BMPR1B: variants seen among roughly 807,000 people sequenced by gnomAD.
The protein encoded by BMPR1B is bone morphogenetic protein receptor type-1B.
In BMPR1B, 12 loss-of-function variants were observed where a neutral mutation model predicts 59.1. That is an observed-to-expected ratio of 0.20 (90% CI 0.13 to 0.33). The LOEUF (loss-of-function observed/expected upper bound fraction) is 0.33, where lower values mean the gene tolerates loss of function less well. BMPR1B is among the 10% of genes least tolerant of loss of function. The probability of loss-of-function intolerance (pLI) is 1.00; values close to 1 mark genes in which losing one functional copy is unlikely to be tolerated. For synonymous variants in BMPR1B, 237 were observed against 207.3 expected (o/e 1.14, Z -1.23); for missense variants, 550 against 610.9 (o/e 0.90, Z 1.05).
intron 1 of BMPR1B, among the ~76,000 whole-genome samples, chr4:94,833,049 T>C (rs1167593239): frequency 2.0e-5 from 3 of 151,752 alleles, no homozygotes; most frequent in Admixed American, 2.0e-4. Flanking sequence ...AAATTAGCCA[T>C]GCCTGGTGGC....
intron 3 of BMPR1B, among the ~76,000 whole-genome samples, chr4:95,055,191 TC>T (rs1429113534): frequency 6.6e-6 from 1 of 152,154 alleles, no homozygotes; most frequent in African/African-American, 2.4e-5. Context: ...GTACCACCTC[TC>T]CGTTGCCAGG....
At chr4:94,912,682 C>T (rs1439602299) in intron 2 of BMPR1B, among the ~76,000 whole-genome samples, 3 of 152,066 alleles carry the variant, frequency 2.0e-5, no homozygotes, top group African/African-American at 7.2e-5. Flanking sequence ...GCCTCTGTAG[C>T]CAAGGCTTTT....
Position 95,042,477 on chromosome 4 carries a change from A to C in BMPR1B, c.-18+46343A>C, listed in dbSNP as rs931709940. On this transcript the variant is annotated intron_variant, in intron 3 of 12. Transcript: ENST00000515059. Reference sequence around the variant, plus strand: ...CCTTCAGACTATGTCTATAAGGTGCATGTGAAACATAAATGAATTTCATGT... The same window carrying C: ...CCTTCAGACTATGTCTATAAGGTGCCTGTGAAACATAAATGAATTTCATGT... 8.5e-5 allele frequency among the ~76,000 whole-genome samples: 13 copies of C among 152,234 alleles called. No homozygotes were observed. The East Asian group carries it at 2.5e-3, about 29-fold the overall frequency.
chr4:94,902,073 GTGTGTGT>G (rs1727834474), intron 2 of BMPR1B, among the ~76,000 whole-genome samples: 1 of 148,848 alleles, frequency 6.7e-6, no homozygotes, highest in Non-Finnish European at 1.5e-5. Context: ...GTGTGTGTGT[GTGTGTGT>G]GTGTGTGGGG....
chr4:94,996,974 CAG>C (rs756873420), intron 3 of BMPR1B, among the ~76,000 whole-genome samples: 6 of 152,126 alleles, frequency 3.9e-5, no homozygotes, highest in Non-Finnish European at 7.4e-5. Flanking sequence ...CTGAAGGAGA[CAG>C]AAAGAATTGT....
intron 3 of BMPR1B, among the ~76,000 whole-genome samples, chr4:95,061,733 T>A (rs1727413088): frequency 6.6e-6 from 1 of 152,212 alleles, no homozygotes; most frequent in Admixed American, 6.5e-5. Context: ...ACTTTAGATT[T>A]GGCCTTAGGA....
chr4:94,947,526 G>A (rs1383833530), intron 2 of BMPR1B, among the ~76,000 whole-genome samples: 1 of 152,196 alleles, frequency 6.6e-6, no homozygotes, highest in African/African-American at 2.4e-5. Flanking sequence ...GTTTGCTTTA[G>A]ATAGTAAGAT....
At chr4:95,112,448 A>C (rs1731696775) in intron 4 of BMPR1B, among the ~76,000 whole-genome samples, 1 of 152,108 alleles carries the variant, frequency 6.6e-6, no homozygotes, top group South Asian at 2.1e-4. Flanking sequence ...TACTTGCTTT[A>C]GGGTTGCAAG....
intron 2 of BMPR1B, among the ~76,000 whole-genome samples, chr4:94,917,111 TTC>T (rs1728514363): frequency 2.0e-5 from 3 of 152,192 alleles, no homozygotes; most frequent in African/African-American, 7.2e-5. Context: ...CTGCCTATAT[TTC>T]AGAGGATATA....
At position 95,129,450 on chromosome 4, in the gene BMPR1B, A is replaced by C. The variant is rs1024061472; in HGVS notation, c.586-412A>C. ...ATTTCCTTTATTTCTGTATGTGCCT[A>C]ACAATGCATTACAATTTTGTTTTGT... On this transcript the variant is annotated intron_variant, in intron 8 of 12. Coordinates refer to ENST00000515059, the MANE Select transcript of BMPR1B (RefSeq NM_001203.3). Among the ~76,000 whole-genome samples, 6 of 151,904 alleles carry C rather than the reference A, an allele frequency of 3.9e-5. No homozygotes were observed. The Middle Eastern group carries it at 0.01, about 258-fold the overall frequency.
intron 1 of BMPR1B, among the ~76,000 whole-genome samples, chr4:94,874,804 C>T (rs887070353): frequency 1.2e-4 from 19 of 152,060 alleles, no homozygotes; most frequent in Non-Finnish European, 2.5e-4. Context: ...CCAGCCTGAC[C>T]AATATGGTGA....
intron 1 of BMPR1B, among the ~76,000 whole-genome samples, chr4:94,859,007 A>G (rs1725875728): frequency 6.6e-6 from 1 of 152,218 alleles, no homozygotes; most frequent in Non-Finnish European, 1.5e-5. Flanking sequence ...ATAGATAAGC[A>G]TGTCAACATA....
At chr4:95,006,790 C>T (rs986797779) in intron 3 of BMPR1B, among the ~76,000 whole-genome samples, 2 of 152,156 alleles carry the variant, frequency 1.3e-5, no homozygotes, top group African/African-American at 4.8e-5. Flanking sequence ...CCACCCGCCT[C>T]GGCCTCCCAA....
At chr4:94,972,982 A>T (rs986649360) in intron 2 of BMPR1B, among the ~76,000 whole-genome samples, 1 of 152,062 alleles carries the variant, frequency 6.6e-6, no homozygotes, top group Non-Finnish European at 1.5e-5. Context: ...GTTGGCAGGA[A>T]CAAACTCCAT....
At chr4:94,791,011 G>A (rs1722966003) in intron 1 of BMPR1B, among the ~76,000 whole-genome samples, 1 of 151,976 alleles carries the variant, frequency 6.6e-6, no homozygotes, top group South Asian at 2.1e-4. Context: ...TTTCTGAGAT[G>A]GAGTCTTGCT....
intron 1 of BMPR1B, among the ~76,000 whole-genome samples, chr4:94,769,010 AT>A (rs1411398716): frequency 6.6e-6 from 1 of 152,132 alleles, no homozygotes; most frequent in Non-Finnish European, 1.5e-5. Flanking sequence ...TTTATTTGAA[AT>A]TTCATGTGTT....
chr4:94,776,395 GCCTT>G (rs1268642693), intron 1 of BMPR1B, among the ~76,000 whole-genome samples: 1 of 152,140 alleles, frequency 6.6e-6, no homozygotes, highest in Non-Finnish European at 1.5e-5. Flanking sequence ...CGACCATTGT[GCCTT>G]CCTTCCTCCC....
chr4:94,817,794 A>G (rs1724064659), intron 1 of BMPR1B, among the ~76,000 whole-genome samples: 1 of 152,178 alleles, frequency 6.6e-6, no homozygotes, highest in African/African-American at 2.4e-5. Context: ...CTTCAGAGAA[A>G]GAGAACCTTT....
At chr4:95,077,993 A>G (rs1252022258) in intron 3 of BMPR1B, among the ~76,000 whole-genome samples, 1 of 152,238 alleles carries the variant, frequency 6.6e-6, no homozygotes, top group Non-Finnish European at 1.5e-5. Flanking sequence ...TGTACTAAGC[A>G]GCTGTAAATA....
Sources: gnomAD v4.1 joint callset for allele counts (sites outside exome capture counted in the v4.1 genomes callset) on GRCh38, gnomAD v4.1.1 for gene constraint, MANE v1.5 for transcripts, NCBI Gene and HGNC (gene_info 2026-07-23, HGNC 2026-07-21) for gene names.